Variants in KIAA0825 observed in about 807,000 individuals in gnomAD.
KIAA0825 encodes the protein KIAA0825, also known as uncharacterized protein KIAA0825.
In KIAA0825, 119 loss-of-function variants were observed where a neutral mutation model predicts 147.6. The ratio of observed to expected loss-of-function variants is 0.81; its 90% confidence interval spans 0.69 to 0.94. KIAA0825 has a LOEUF of 0.94. Among genes scored for constraint, KIAA0825 ranks in the 40% least tolerant of loss-of-function variants. KIAA0825 has a pLI of 0.00. For missense variants in KIAA0825, 1,381 were observed against 1,472.7 expected, an observed-to-expected ratio of 0.94 and a Z score of 1.02; for synonymous variants, 470 against 518.1, an observed-to-expected ratio of 0.91 and a Z score of 1.26.
At chr5:94,254,137 T>C in intron 20 of KIAA0825, among the ~76,000 whole-genome samples, 1 of 152,176 alleles carries the variant, frequency 6.6e-6, no homozygotes, top group East Asian at 1.9e-4. Flanking sequence ...GTTATTCCCT[T>C]GGAGGTTAAT....
chr5:94,425,056 A>G (rs1010421589), intron 14 of KIAA0825, among the ~76,000 whole-genome samples: 12 of 152,156 alleles, frequency 7.9e-5, no homozygotes, highest in African/African-American at 2.9e-4. Context: ...AATTCTGCCA[A>G]ACTTTCAGAG....
intron 14 of KIAA0825, among the ~76,000 whole-genome samples, chr5:94,418,166 A>G (rs985749021): frequency 2.6e-5 from 4 of 152,188 alleles, no homozygotes; most frequent in Non-Finnish European, 5.9e-5. Context: ...CTTATATTTT[A>G]ACTATCTTGC....
At position 94,396,100 on chromosome 5, in the gene KIAA0825, C is replaced by T; in HGVS notation, c.3296+1G>A. 6.9e-7 allele frequency: 1 copy of T among 1,451,774 alleles called. No homozygotes were observed. Among genetic ancestry groups the T allele is most frequent in the Middle Eastern group, 1.8e-4 (1 of 5,566 alleles). 89.9% of individuals were successfully genotyped at this position (1,451,774 alleles called of 1,614,324 possible). A position where few individuals can be genotyped will look rare whatever the true frequency, so the allele number is the denominator to read the frequency against. Reference sequence around the variant, plus strand: ...CCAATAAGAGAAAAACATCACTTTACCATTCAGTGCTCAGTTTCCTTGCTT... The same window carrying T: ...CCAATAAGAGAAAAACATCACTTTATCATTCAGTGCTCAGTTTCCTTGCTT... On this transcript the variant is annotated splice_donor_variant, in intron 17 of 20. Coordinates refer to ENST00000682413, the MANE Select transcript of KIAA0825 (RefSeq NM_001145678.3). LOFTEE classifies it high-confidence loss of function.
chr5:94,430,386 A>G (rs1755506754), intron 14 of KIAA0825, among the ~76,000 whole-genome samples: 2 of 152,196 alleles, frequency 1.3e-5, no homozygotes, highest in Admixed American at 6.5e-5. Flanking sequence ...GAAGAATATT[A>G]CTTCTTATTT....
At chr5:94,505,271 G>T (rs890786622) in intron 5 of KIAA0825, among the ~76,000 whole-genome samples, 4 of 151,250 alleles carry the variant, frequency 2.6e-5, no homozygotes, top group Non-Finnish European at 5.9e-5. Context: ...TGAGGCATGA[G>T]AATTGTTTGA....
intron 20 of KIAA0825, among the ~76,000 whole-genome samples, chr5:94,221,553 G>A (rs537176927): frequency 6.6e-5 from 10 of 152,230 alleles, no homozygotes; most frequent in Admixed American, 3.9e-4. Flanking sequence ...AGAATGAGGC[G>A]ATGTTTTGTG....
At chr5:94,563,045 T>A (rs1014129874) in intron 2 of KIAA0825, among the ~76,000 whole-genome samples, 1 of 152,078 alleles carries the variant, frequency 6.6e-6, no homozygotes, top group African/African-American at 2.4e-5. Flanking sequence ...TAAAGAGATT[T>A]TAAAAGGTGT....
At chr5:94,404,576 C>A (rs984618240) in intron 15 of KIAA0825, among the ~76,000 whole-genome samples, 3 of 151,936 alleles carry the variant, frequency 2.0e-5, no homozygotes, top group Admixed American at 2.0e-4. Context: ...AGACACATAG[C>A]ATAGGAAGAA....
intron 20 of KIAA0825, among the ~76,000 whole-genome samples, chr5:94,328,971 G>A (rs1780992089): frequency 6.6e-6 from 1 of 151,974 alleles, no homozygotes; most frequent in South Asian, 2.1e-4. Flanking sequence ...GTTTTGTTAG[G>A]TGTGTCTTTT....
In KIAA0825 at chr5:94,534,605, T is replaced by C. The variant is rs542007177; in HGVS notation, c.131+2391A>G. ...TATGTTCCATATTGTATTTTCTTTT[T>C]AACACTAACATCTGAGTTTTGACCT... is the stretch of plus-strand genomic sequence containing the variant. On this transcript the variant is annotated intron_variant, in intron 3 of 20. Coordinates refer to ENST00000682413, the MANE Select transcript of KIAA0825 (RefSeq NM_001145678.3). 6.6e-5 allele frequency among the ~76,000 whole-genome samples: 10 copies of C among 152,316 alleles called. No homozygotes were observed. The South Asian group carries it at 2.1e-3, about 32-fold the overall frequency.
At chr5:94,410,443 A>C (rs961399071) in intron 15 of KIAA0825, among the ~76,000 whole-genome samples, 2 of 152,134 alleles carry the variant, frequency 1.3e-5, no homozygotes, top group African/African-American at 4.8e-5. Context: ...AATGGCTGAA[A>C]AGTTTTCAAA....
intron 14 of KIAA0825, among the ~76,000 whole-genome samples, chr5:94,433,924 T>C (rs572052204): frequency 5.3e-5 from 8 of 152,334 alleles, no homozygotes; most frequent in Non-Finnish European, 8.8e-5. Context: ...CTGCTAACAA[T>C]TGGGAAATTG....
intron 20 of KIAA0825, among the ~76,000 whole-genome samples, chr5:94,183,819 T>TCCTTTATAATATCCTTTATAATAAA (rs1368474995): frequency 2.0e-5 from 3 of 152,212 alleles, no homozygotes; most frequent in Non-Finnish European, 4.4e-5. Flanking sequence ...TGTATTTCTA[T>TCCTTTATAATATCCTTTATAATAAA]CCTTTATAAT....
intron 20 of KIAA0825, among the ~76,000 whole-genome samples, chr5:94,164,447 T>C (rs1193154608): frequency 6.6e-6 from 1 of 151,856 alleles, no homozygotes; most frequent in Non-Finnish European, 1.5e-5. Context: ...AGTCTCACTC[T>C]GTTGCCCAGG....
rs536697768 is a variant in KIAA0825 at position 94,152,093 on chromosome 5, A to G, written c.*1914T>C. ...TTAAAAACACTTGGTTTATGATTAT[A>G]CTGGCCAACTAAAGTACATTTTTTA... On this transcript the variant is annotated 3_prime_UTR_variant, in exon 21 of 21. Transcript: ENST00000682413. Among the ~76,000 whole-genome samples, 2 of 152,358 alleles carry G rather than the reference A, an allele frequency of 1.3e-5. No homozygotes were observed. The highest frequency in any genetic ancestry group is 4.8e-5 in the African/African-American group (2 of 41,580).
intron 20 of KIAA0825, among the ~76,000 whole-genome samples, chr5:94,321,359 T>G (rs1022939655): frequency 1.3e-5 from 2 of 151,994 alleles, no homozygotes; most frequent in African/African-American, 4.8e-5. Context: ...CTAAAATAAC[T>G]GATATCTATA....
intron 20 of KIAA0825, among the ~76,000 whole-genome samples, chr5:94,369,264 C>T (rs370871252): frequency 1.4e-4 from 21 of 152,194 alleles, no homozygotes; most frequent in Middle Eastern, 3.4e-3. Context: ...ATTCAAGACT[C>T]GGGGGCACAG....
At chr5:94,198,624 G>A (rs1771371346) in intron 20 of KIAA0825, among the ~76,000 whole-genome samples, 1 of 152,076 alleles carries the variant, frequency 6.6e-6, no homozygotes, top group Admixed American at 6.5e-5. Context: ...GGGATGGAGA[G>A]CATTAGGACA....
At chr5:94,224,828 T>A (rs1254562124) in intron 20 of KIAA0825, among the ~76,000 whole-genome samples, 1 of 152,152 alleles carries the variant, frequency 6.6e-6, no homozygotes, top group Non-Finnish European at 1.5e-5. Flanking sequence ...TCCCTTTTTG[T>A]CCTAATCTTG....
Sources: allele counts gnomAD v4.1 joint callset (sites outside exome capture counted in the v4.1 genomes callset), GRCh38; gene constraint gnomAD v4.1.1; transcripts MANE v1.5; gene names NCBI Gene and HGNC (gene_info 2026-07-23, HGNC 2026-07-21).